PCOLCE: variants seen among roughly 807,000 people sequenced by gnomAD.
PCOLCE encodes the protein procollagen C-endopeptidase enhancer.
PCOLCE carries 33 observed loss-of-function variants against 47.2 expected under a neutral mutation model. The observed-to-expected ratio is 0.70, with a 90% CI of 0.53 to 0.93. The LOEUF is 0.93. Ranked by LOEUF, PCOLCE falls within the 40% of genes least tolerant of loss-of-function variation. The probability of loss-of-function intolerance (pLI) is 0.00; values close to 1 mark genes in which losing one functional copy is unlikely to be tolerated. For missense variants in PCOLCE, 584 were observed against 585.3 expected (o/e 1.00, Z 0.02); for synonymous variants, 254 against 252.5 (o/e 1.01, Z -0.06).
Position 100,605,301 on chromosome 7 carries a change from C to A in PCOLCE, c.588+86C>A. The stretch of plus-strand genomic sequence containing the variant: ...CCAGCAGAGATTTATTGAAGATCTG[C>A]TGTGTCCCGAGCACTGCGCTTGCGC... On this transcript the variant is annotated intron_variant, in intron 4 of 8. Coordinates refer to ENST00000223061, the MANE Select transcript of PCOLCE (RefSeq NM_002593.4). The surrounding 1 kb of genome is among the most constrained non-coding windows in gnomAD (Gnocchi z 6.1). 2 of 1,397,162 alleles carry A rather than the reference C, an allele frequency of 1.4e-6. No homozygotes were observed. The highest frequency in any genetic ancestry group is 2.0e-6 in the Non-Finnish European group (2 of 1,018,946). 86.5% of individuals were successfully genotyped at this position (1,397,162 alleles called of 1,614,324 possible).
intron 6 of PCOLCE, among the ~76,000 whole-genome samples, chr7:100,607,105 A>AAAAAAAAAAAAAC (rs1802730560): frequency 1.3e-5 from 2 of 151,376 alleles, no homozygotes; most frequent in African/African-American, 4.9e-5. Context: ...AAAAAAAAAA[A>AAAAAAAAAAAAAC]ACTTAGCCAG....
In PCOLCE at chr7:100,607,957, G is replaced by A; in HGVS notation, c.1204G>A (p.Gly402Ser). 1 of 1,613,974 alleles carries A rather than the reference G, an allele frequency of 6.2e-7. No individual in the cohort carries two copies. The highest frequency in any genetic ancestry group is 1.3e-5 in the African/African-American group (1 of 74,972). ...TCCAGGAGTCAGTTATCTGCTGATGGGCCAGGTAGAAGAGAACAGAGGCCC... is the reference window on the plus strand; with the variant it reads ...TCCAGGAGTCAGTTATCTGCTGATGAGCCAGGTAGAAGAGAACAGAGGCCC... Reference protein sequence around the residue: ...MKKGVSYLLMGQVEENRGPVL... With the variant: ...MKKGVSYLLMSQVEENRGPVL... The change falls in exon 9 of 9, where the codon GGC (glycine) becomes AGC (serine). Residue 402 changes from glycine (G) to serine (S), a missense_variant. Physicochemically the swap from Gly to Ser is moderately conservative, Grantham distance 56 (BLOSUM62 0). Coordinates refer to ENST00000223061, the MANE Select transcript of PCOLCE (RefSeq NM_002593.4).
rs750869837 is a variant in PCOLCE, at chr7:100,606,612, G to A, written c.922G>A (p.Glu308Lys). Residue 308 changes from glutamate (E) to lysine (K), a missense_variant, in exon 6 of 9, where the codon GAA (glutamate) becomes AAA (lysine). Transcript: ENST00000223061. ...GTCCCAACCTCCGGAGAAAACAGAGGAATCTCCTTCAGCCCCTGGTGAGTC... is the reference window on the plus strand; with the variant it reads ...GTCCCAACCTCCGGAGAAAACAGAGAAATCTCCTTCAGCCCCTGGTGAGTC... ...PKSQPPEKTE[E>K]SPSAPDAPTC... is the part of the protein sequence containing the mutation. The A allele has an allele frequency of 6.2e-7, 1 of 1,610,850 alleles. No individual in the cohort carries two copies. Among genetic ancestry groups the A allele is most frequent in the Non-Finnish European group, 8.5e-7 (1 of 1,177,496 alleles).
Position 100,608,080 on chromosome 7 carries a change from CG to C in PCOLCE, c.1330del (p.Ala444LeufsTer15). ...GAGGAAGTGCCCCTCTCAACCTGTG[CG>C]GGCTGCTGCGTCCCAGGACTGAGAC... ...SKRKCPSQPV[R>X]AAASQD On this transcript the variant is annotated frameshift_variant, in exon 9 of 9. Transcript: ENST00000223061. LOFTEE classifies it high-confidence loss of function. The C allele has an allele frequency of 6.2e-7, 1 of 1,613,756 alleles. No homozygotes were observed. Among genetic ancestry groups the C allele is most frequent in the Non-Finnish European group, 8.5e-7 (1 of 1,180,008 alleles).
rs1250577366 is a variant in PCOLCE, at chr7:100,604,099, C to T, written c.345C>T (p.Phe115=). The change falls in exon 3 of 9, where the codon TTC becomes TTT. Residue 115 remains phenylalanine (F), a synonymous_variant. Transcript: ENST00000223061. The surrounding 1 kb of genome is among the most constrained non-coding windows in gnomAD (Gnocchi z 6.4). The stretch of plus-strand genomic sequence containing the variant: ...GGCTCGGACGCTTTTGTGGGACCTT[C>T]CGGCCTGCGCCCCTAGTCGCCCCCG... ...GQRLGRFCGT[F]RPAPLVAPGN... is the part of the protein sequence containing the mutation. 1.2e-6 allele frequency: 2 copies of T among 1,610,476 alleles called. No individual in the cohort carries two copies. The highest frequency in any genetic ancestry group is 1.7e-5 in the Admixed American group (1 of 60,012).
chr7:100,604,297 C>T lies in PCOLCE; in HGVS notation c.463+80C>T. On this transcript the variant is annotated intron_variant, in intron 3 of 8. Coordinates refer to ENST00000223061, the MANE Select transcript of PCOLCE (RefSeq NM_002593.4). This position sits in a 1 kb window ranked among gnomAD's most constrained non-coding sequence, Gnocchi z 6.4. ...GCCCCGCCCCCAGCCCTAACCTCCGCCCCGCCCACCCCGCGCCCCAGTGCC... is the reference window on the plus strand; with the variant it reads ...GCCCCGCCCCCAGCCCTAACCTCCGTCCCGCCCACCCCGCGCCCCAGTGCC... 7.8e-7 allele frequency: 1 copy of T among 1,285,060 alleles called. No individual in the cohort carries two copies. The highest frequency in any genetic ancestry group is 1.1e-6 in the Non-Finnish European group (1 of 939,190). The allele number at this position is 1,285,060 out of a possible 1,614,324, so 79.6% of individuals were successfully genotyped here.
chr7:100,603,690 C>G, intron 2 of PCOLCE, 152 bp downstream of exon 2: 1 of 605,428 alleles, frequency 1.7e-6, no homozygotes, highest in East Asian at 2.9e-5. Context: ...GGCATCATTC[C>G]CACCGTAACA....
At chr7:100,603,850 T>C in intron 2 of PCOLCE, 109 bp from the exon 3 acceptor site, 2 of 1,296,450 alleles carry the variant, frequency 1.5e-6, no homozygotes, top group Non-Finnish European at 2.1e-6. Context: ...GGAGGCCCCT[T>C]CCCATTCAGT....
rs1447988922 is a variant in PCOLCE, at chr7:100,605,662, C to T, written c.589-14C>T. ...GTGTCCCGCCGCGCAGTCCCCGCCT[C>T]CGCCCGCCGCCAGGTCATCGCGCTG... On this transcript the variant is annotated splice_polypyrimidine_tract_variant and intron_variant, in intron 4 of 8. Coordinates refer to ENST00000223061, the MANE Select transcript of PCOLCE (RefSeq NM_002593.4). The surrounding 1 kb of genome is among the most constrained non-coding windows in gnomAD (Gnocchi z 6.1). The T allele has an allele frequency of 6.4e-7, 1 of 1,571,250 alleles. No individual in the cohort carries two copies. Among genetic ancestry groups the T allele is most frequent in the Admixed American group, 1.8e-5 (1 of 54,170 alleles).
At position 100,606,473 on chromosome 7, in the gene PCOLCE, C is replaced by T; in HGVS notation, c.783C>T (p.Val261=). The T allele has an allele frequency of 6.2e-7, 1 of 1,614,106 alleles. No homozygotes were observed. Among genetic ancestry groups the T allele is most frequent in the Non-Finnish European group, 8.5e-7 (1 of 1,179,954 alleles). ...TCCAGTTCGTCTCAGATCTCAGTGT[C>T]ACCGCTGATGGCTTCTCAGCCTCCT... ...LLVQFVSDLS[V]TADGFSASYK... is the part of the protein sequence containing the mutation. Residue 261 remains valine (V), a synonymous_variant, in exon 6 of 9, where the codon GTC becomes GTT. Coordinates refer to ENST00000223061, the MANE Select transcript of PCOLCE (RefSeq NM_002593.4).
chr7:100,607,454 G>A lies in PCOLCE; in HGVS notation c.943G>A (p.Ala315Thr). Residue 315 changes from alanine (A) to threonine (T), a missense_variant and splice_region_variant, in exon 7 of 9, where the codon GCA (alanine) becomes ACA (threonine). By Grantham distance (58) the Ala-to-Thr change is moderately conservative. Transcript: ENST00000223061. ...CCCTCCACCCTCCTCCCTCCTAGAT[G>A]CACCCACCTGCCCAAAGCAGTGCCG... ...KTEESPSAPD[A>T]PTCPKQCRRT... 1 of 1,613,614 alleles carries A rather than the reference G, an allele frequency of 6.2e-7. No homozygotes were observed. The highest frequency in any genetic ancestry group is 8.5e-7 in the Non-Finnish European group (1 of 1,179,666).
In PCOLCE at chr7:100,605,472, C is replaced by A; in HGVS notation, c.589-204C>A. 2.9e-6 allele frequency: 2 copies of A among 694,442 alleles called. No individual in the cohort carries two copies. Among genetic ancestry groups the A allele is most frequent in the Non-Finnish European group, 4.7e-6 (2 of 422,044 alleles). 43.0% of individuals were successfully genotyped at this position (694,442 alleles called of 1,614,324 possible). A position where few individuals can be genotyped will look rare whatever the true frequency, so the allele number is the denominator to read the frequency against. On this transcript the variant is annotated intron_variant, in intron 4 of 8. Transcript: ENST00000223061. The surrounding 1 kb of genome is among the most constrained non-coding windows in gnomAD (Gnocchi z 6.1). The stretch of plus-strand genomic sequence containing the variant: ...CACTTGTGAGTGCGCCAGGACTTGA[C>A]CTTGCCAACCACGACGACCGACACC...
Position 100,602,550 on chromosome 7 carries a change from A to T in PCOLCE, c.94A>T (p.Arg32Ter), listed in dbSNP as rs1356395725. The T allele has an allele frequency of 6.3e-7, 1 of 1,587,530 alleles. No individual in the cohort carries two copies. The highest frequency in any genetic ancestry group is 8.6e-7 in the Non-Finnish European group (1 of 1,156,706). ...FAQGQTPNYT[R>*]PVFLCGGDVK... ...CCAGGGCCAGACCCCCAACTACACC[A>T]GGTAGGTCTCTTGGCATCTTCCAGA... Residue 32 changes from arginine (R) to a stop codon, truncating the protein, a stop_gained and splice_region_variant, in exon 1 of 9, where the codon AGA becomes TGA. Coordinates refer to ENST00000223061, the MANE Select transcript of PCOLCE (RefSeq NM_002593.4). LOFTEE classifies it high-confidence loss of function.
At chr7:100,602,855 G>GTT in intron 1 of PCOLCE, 1 of 449,552 alleles carries the variant, frequency 2.2e-6, no homozygotes, top group Non-Finnish European at 4.0e-6. Flanking sequence ...TTGCCTGGTA[G>GTT]CTGGATTCCA....
intron 6 of PCOLCE, 61 bp from the exon 7 acceptor site, chr7:100,607,391 A>AT: frequency 7.5e-7 from 1 of 1,332,096 alleles, no homozygotes; most frequent in Non-Finnish European, 1.1e-6. Flanking sequence ...TGAGGCTGTT[A>AT]TGGGGACAGT....
intron 2 of PCOLCE, 145 bp downstream of exon 2, chr7:100,603,683 A>G (rs1802654993): frequency 3.5e-6 from 2 of 576,542 alleles, no homozygotes; most frequent in Non-Finnish European, 6.2e-6. Flanking sequence ...CACTGAAGGC[A>G]TCATTCCCAC....
rs777553877 is a variant in PCOLCE at position 100,605,233 on chromosome 7, C to A, written c.588+18C>A. The A allele has an allele frequency of 1.2e-6, 2 of 1,605,756 alleles. No individual in the cohort carries two copies. Among genetic ancestry groups the A allele is most frequent in the African/African-American group, 2.7e-5 (2 of 74,772 alleles). On this transcript the variant is annotated intron_variant, in intron 4 of 8. Coordinates refer to ENST00000223061, the MANE Select transcript of PCOLCE (RefSeq NM_002593.4). This position sits in a 1 kb window ranked among gnomAD's most constrained non-coding sequence, Gnocchi z 6.1. The stretch of plus-strand genomic sequence containing the variant: ...CGGACCAGGTACCGACCCTCCTCCC[C>A]GGGCTGCCCTAGGGGACCCAGGCGG...
chr7:100,605,319 G>A lies in PCOLCE; in HGVS notation c.588+104G>A. On this transcript the variant is annotated intron_variant, in intron 4 of 8. Transcript: ENST00000223061. The surrounding 1 kb of genome is among the most constrained non-coding windows in gnomAD (Gnocchi z 6.1). ...AGATCTGCTGTGTCCCGAGCACTGC[G>A]CTTGCGCTGGTGGGCACCCAAAACA... The A allele has an allele frequency of 8.0e-7, 1 of 1,247,894 alleles. No homozygotes were observed. The highest frequency in any genetic ancestry group is 1.5e-5 in the African/African-American group (1 of 66,510). 77.3% of individuals were successfully genotyped at this position (1,247,894 alleles called of 1,614,324 possible).
At chr7:100,606,389 C>T (rs1329428012) in intron 5 of PCOLCE, 27 bp from the exon 6 acceptor site, 8 of 1,569,232 alleles carry the variant, frequency 5.1e-6, no homozygotes, top group East Asian at 2.2e-5. Context: ...CCTGACACTT[C>T]CCCCAATGCT....
Sources: gnomAD v4.1 joint callset for allele counts (sites outside exome capture counted in the v4.1 genomes callset) on GRCh38, gnomAD v4.1.1 for gene constraint, Gnocchi (gnomAD v3.1) non-coding constraint, MANE v1.5 for transcripts, NCBI Gene and HGNC (gene_info 2026-07-23, HGNC 2026-07-21) for gene names.